PALM2AKAP2: variants seen among roughly 807,000 people sequenced by gnomAD.
PALM2AKAP2 encodes PALM2-AKAP2 fusion protein.
PALM2AKAP2 carries 37 observed loss-of-function variants against 71.5 expected under a neutral mutation model. The observed-to-expected ratio is 0.52, with a 90% CI of 0.40 to 0.68. The LOEUF (loss-of-function observed/expected upper bound fraction) is 0.68. Ranked by LOEUF, PALM2AKAP2 falls within the 30% of genes least tolerant of loss-of-function variation. The pLI, the probability that PALM2AKAP2 is intolerant of heterozygous loss-of-function variation, is 0.00. For missense variants in PALM2AKAP2, 1,224 were observed against 1,191.8 expected, an observed-to-expected ratio of 1.03 and a Z score of -0.40; for synonymous variants, 468 against 478.8, an observed-to-expected ratio of 0.98 and a Z score of 0.29.
intron 7 of PALM2AKAP2, among the ~76,000 whole-genome samples, chr9:110,034,553 G>A (rs940413892): frequency 2.7e-5 from 4 of 150,290 alleles, no homozygotes; most frequent in African/African-American, 9.8e-5. Context: ...AGACCATAGC[G>A]TATGCTTTCC....
chr9:110,081,830 G>T (rs1225257431), intron 1 of PALM2AKAP2, among the ~76,000 whole-genome samples: 1 of 152,028 alleles, frequency 6.6e-6, no homozygotes, highest in Admixed American at 6.5e-5. Context: ...CCCTCACGAT[G>T]TTAGAGATTT....
chr9:109,645,950 C>T (rs1464339353), intron 1 of PALM2AKAP2, among the ~76,000 whole-genome samples: 4 of 151,962 alleles, frequency 2.6e-5, no homozygotes, highest in Non-Finnish European at 5.9e-5. Flanking sequence ...GAAGAAAAGT[C>T]TAATTTCCAC....
chr9:109,767,607 C>T (rs1829174667), intron 1 of PALM2AKAP2, among the ~76,000 whole-genome samples: 1 of 152,196 alleles, frequency 6.6e-6, no homozygotes, highest in Admixed American at 6.5e-5. Flanking sequence ...CTGGTGGGGC[C>T]ACCCTCTGGC....
At chr9:109,733,754 T>A (rs1174534551) in intron 1 of PALM2AKAP2, among the ~76,000 whole-genome samples, 1 of 152,200 alleles carries the variant, frequency 6.6e-6, no homozygotes, top group Non-Finnish European at 1.5e-5. Flanking sequence ...AATCTGAAAA[T>A]CATCAGGGAT....
chr9:109,972,972 T>G (rs1382102230), intron 6 of PALM2AKAP2, among the ~76,000 whole-genome samples: 1 of 152,170 alleles, frequency 6.6e-6, no homozygotes, highest in East Asian at 1.9e-4. Flanking sequence ...CAATAATGGC[T>G]TAATACACAT....
intron 6 of PALM2AKAP2, among the ~76,000 whole-genome samples, chr9:110,004,686 T>C (rs144842507): frequency 2.0e-5 from 3 of 152,328 alleles, no homozygotes; most frequent in Admixed American, 6.5e-5. Flanking sequence ...GTAGATTTGG[T>C]CTTTTCACAA....
intron 1 of PALM2AKAP2, among the ~76,000 whole-genome samples, chr9:110,050,965 G>A (rs1283779113): frequency 6.6e-6 from 1 of 152,136 alleles, no homozygotes; most frequent in South Asian, 2.1e-4. Flanking sequence ...CCTTTGAGTG[G>A]AGGCACACCA....
chr9:109,747,468 A>T (rs1244993082), intron 1 of PALM2AKAP2, among the ~76,000 whole-genome samples: 1 of 152,180 alleles, frequency 6.6e-6, no homozygotes, highest in African/African-American at 2.4e-5. Context: ...ATTTGATATA[A>T]AATTATATAT....
At chr9:109,709,613 G>A (rs577595052) in intron 1 of PALM2AKAP2, among the ~76,000 whole-genome samples, 1 of 152,302 alleles carries the variant, frequency 6.6e-6, no homozygotes, top group South Asian at 2.1e-4. Context: ...CCTCAGAGGG[G>A]TAGCAGGAGC....
chr9:110,053,058 G>A (rs142630400), intron 1 of PALM2AKAP2, among the ~76,000 whole-genome samples: 23 of 152,280 alleles, frequency 1.5e-4, no homozygotes, highest in African/African-American at 5.5e-4. Context: ...CCTTTTTCCT[G>A]TTGAGGTGGA....
At chr9:109,907,854 T>G (rs1343921385) in intron 3 of PALM2AKAP2, among the ~76,000 whole-genome samples, 1 of 152,158 alleles carries the variant, frequency 6.6e-6, no homozygotes, top group Non-Finnish European at 1.5e-5. Context: ...TTTGGATCAG[T>G]TGGAAGCCTC....
chr9:109,931,948 C>G (rs759114610), exon 6 of PALM2AKAP2: 1 of 1,614,100 alleles, frequency 6.2e-7, no homozygotes, highest in East Asian at 2.2e-5. Context: ...TACATTTCCT[C>G]CCAGCTTCCC....
intron 1 of PALM2AKAP2, among the ~76,000 whole-genome samples, chr9:110,078,287 C>A (rs1346178623): frequency 6.6e-6 from 1 of 152,164 alleles, no homozygotes; most frequent in African/African-American, 2.4e-5. Flanking sequence ...TACATGACAA[C>A]CTTCTTTTGA....
Position 110,126,934 on chromosome 9 carries a change from T to C in PALM2AKAP2, c.157-9193T>C, listed in dbSNP as rs189896145. The stretch of plus-strand genomic sequence containing the variant: ...TGGTGCTGGGGGAGACTCCGTTCTA[T>C]GAGAAATTGACCAGTCTCCTTCACT... On this transcript the variant is annotated intron_variant, in intron 1 of 3. Transcript: ENST00000374525. Among the ~76,000 whole-genome samples, 202 of 152,300 alleles carry C rather than the reference T, an allele frequency of 1.3e-3. 1 individual carries two copies. The highest frequency in any genetic ancestry group is 4.7e-3 in the African/African-American group (195 of 41,576).
chr9:110,153,514 G>A (rs781274759), intron 2 of PALM2AKAP2, among the ~76,000 whole-genome samples: 1 of 152,210 alleles, frequency 6.6e-6, no homozygotes, highest in Non-Finnish European at 1.5e-5. Context: ...ATATATTTTG[G>A]TGAAGGCATT....
At chr9:109,816,065 T>C (rs892970394) in intron 1 of PALM2AKAP2, among the ~76,000 whole-genome samples, 8 of 152,226 alleles carry the variant, frequency 5.3e-5, no homozygotes, top group African/African-American at 1.9e-4. Context: ...GAAAGTATCT[T>C]TAACTGAAGC....
upstream of PALM2AKAP2, among the ~76,000 whole-genome samples, chr9:110,043,833 A>G (rs1275339727): frequency 1.4e-5 from 2 of 141,474 alleles, no homozygotes; most frequent in African/African-American, 5.3e-5. Context: ...CAATCCTCCC[A>G]TCTCAGCCTC....
chr9:110,015,885 C>A (rs1832971898), intron 6 of PALM2AKAP2, 69 bp from the exon 7 acceptor site: 1 of 1,365,608 alleles, frequency 7.3e-7, no homozygotes, highest in Non-Finnish European at 1.0e-6. Flanking sequence ...GTAATCTGAG[C>A]AATAACAACT....
At chr9:109,837,832 T>G (rs987477654) in intron 1 of PALM2AKAP2, among the ~76,000 whole-genome samples, 1 of 152,166 alleles carries the variant, frequency 6.6e-6, no homozygotes, top group African/African-American at 2.4e-5. Context: ...GAGCTAACTA[T>G]CCTAAATATA....
Sources: allele counts gnomAD v4.1 joint callset (sites outside exome capture counted in the v4.1 genomes callset), GRCh38; gene constraint gnomAD v4.1.1; transcripts MANE v1.5; gene names NCBI Gene and HGNC (gene_info 2026-07-23, HGNC 2026-07-21).